Variants in MEMO1 observed in about 807,000 individuals in gnomAD.
MEMO1 encodes protein MEMO1.
Under a neutral mutation model 45.2 loss-of-function variants are expected in MEMO1, and 6 were observed. The observed-to-expected ratio is 0.13, with a 90% CI of 0.07 to 0.26. MEMO1 has a LOEUF of 0.26. Among genes scored for constraint, MEMO1 ranks in the 10% least tolerant of loss-of-function variants. The pLI is 1.00. For missense variants in MEMO1, 184 were observed against 370.5 expected, an observed-to-expected ratio of 0.50 and a Z score of 4.13; for synonymous variants, 78 against 124.3, an observed-to-expected ratio of 0.63 and a Z score of 2.48.
chr2:31,951,311 A>T (rs1360448755), intron 2 of MEMO1, among the ~76,000 whole-genome samples: 1 of 152,222 alleles, frequency 6.6e-6, no homozygotes, highest in Non-Finnish European at 1.5e-5. Flanking sequence ...TTCAGAAATG[A>T]AAAAGTGTGG....
chr2:31,997,613 A>G (rs995991706), intron 2 of MEMO1, among the ~76,000 whole-genome samples: 2 of 152,206 alleles, frequency 1.3e-5, no homozygotes, highest in Non-Finnish European at 2.9e-5. Context: ...TATCTGAAAA[A>G]GTCCTAAAGC....
intron 2 of MEMO1, among the ~76,000 whole-genome samples, chr2:31,946,840 C>CA (rs539454090): frequency 1.2e-3 from 180 of 151,316 alleles, no homozygotes; most frequent in African/African-American, 4.0e-3. Flanking sequence ...GACTCCATTG[C>CA]AAAAAAAAGA....
intron 2 of MEMO1, among the ~76,000 whole-genome samples, chr2:31,973,448 T>C (rs77458495): frequency 1.3e-5 from 2 of 151,746 alleles, no homozygotes; most frequent in African/African-American, 2.4e-5. Flanking sequence ...AGCAAGACTC[T>C]GTCTCGGGAA....
intron 8 of MEMO1, among the ~76,000 whole-genome samples, chr2:31,877,758 A>G (rs1428754476): frequency 6.6e-6 from 1 of 152,144 alleles, no homozygotes; most frequent in Non-Finnish European, 1.5e-5. Context: ...ACTTCATTGT[A>G]CCTTCTAATT....
chr2:31,934,638 G>A (rs1297488188), intron 3 of MEMO1, among the ~76,000 whole-genome samples: 1 of 152,106 alleles, frequency 6.6e-6, no homozygotes, highest in African/African-American at 2.4e-5. Context: ...TACAAGACAG[G>A]CCTGAGTAGA....
intron 6 of MEMO1, among the ~76,000 whole-genome samples, chr2:31,898,448 T>C (rs762469292): frequency 1.3e-5 from 2 of 152,216 alleles, no homozygotes; most frequent in African/African-American, 2.4e-5. Context: ...AGAACTTCTT[T>C]ATTTCTGCCT....
chr2:31,958,795 G>A (rs1365650924), intron 2 of MEMO1, among the ~76,000 whole-genome samples: 4 of 152,164 alleles, frequency 2.6e-5, no homozygotes, highest in Non-Finnish European at 5.9e-5. Flanking sequence ...GGGACCACAG[G>A]TATGCGACAC....
At chr2:31,951,453 T>C (rs927386553) in intron 2 of MEMO1, among the ~76,000 whole-genome samples, 9 of 151,648 alleles carry the variant, frequency 5.9e-5, no homozygotes, top group Non-Finnish European at 8.8e-5. Flanking sequence ...TGGGAACCAC[T>C]GCTTCTCACT....
intron 2 of MEMO1, among the ~76,000 whole-genome samples, chr2:31,959,677 T>C (rs991141016): frequency 6.6e-6 from 1 of 152,054 alleles, no homozygotes; most frequent in Non-Finnish European, 1.5e-5. Flanking sequence ...ATGAAGGTAG[T>C]TAAACTTCCT....
At chr2:31,917,470 T>C (rs1681633162) in intron 6 of MEMO1, among the ~76,000 whole-genome samples, 1 of 152,154 alleles carries the variant, frequency 6.6e-6, no homozygotes, top group African/African-American at 2.4e-5. Flanking sequence ...CTTTAGCAGG[T>C]ACCACGTAAC....
chr2:31,939,264 T>G (rs1384892210), intron 3 of MEMO1, among the ~76,000 whole-genome samples: 2 of 152,212 alleles, frequency 1.3e-5, no homozygotes, highest in Admixed American at 6.5e-5. Flanking sequence ...ATGTTTATAT[T>G]TATGTTTTTA....
At chr2:31,990,298 A>G (rs1671785306) in intron 2 of MEMO1, among the ~76,000 whole-genome samples, 1 of 152,038 alleles carries the variant, frequency 6.6e-6, no homozygotes, top group African/African-American at 2.4e-5. Context: ...AACAAATGCC[A>G]CTCTTCTCAT....
chr2:31,984,112 G>C (rs1277470767), intron 2 of MEMO1, among the ~76,000 whole-genome samples: 1 of 152,202 alleles, frequency 6.6e-6, no homozygotes, highest in African/African-American at 2.4e-5. Flanking sequence ...TCCAAAGTGT[G>C]GGTTGGACTT....
At chr2:31,896,582 A>G (rs749500201) in intron 6 of MEMO1, among the ~76,000 whole-genome samples, 2 of 152,240 alleles carry the variant, frequency 1.3e-5, no homozygotes, top group Non-Finnish European at 2.9e-5. Flanking sequence ...AACGAAACAA[A>G]GGAAAAAATT....
intron 2 of MEMO1, among the ~76,000 whole-genome samples, chr2:31,998,865 A>G (rs1672924754): frequency 1.3e-5 from 2 of 152,146 alleles, no homozygotes. Context: ...TCCAGTCTAG[A>G]CCACTTCCCT....
At chr2:31,881,331 A>C (rs1293699953) in intron 8 of MEMO1, among the ~76,000 whole-genome samples, 4 of 151,500 alleles carry the variant, frequency 2.6e-5, no homozygotes, top group Non-Finnish European at 5.9e-5. Context: ...CTCTACAAAA[A>C]ACTACAAAAA....
intron 2 of MEMO1, among the ~76,000 whole-genome samples, chr2:31,954,845 A>G (rs1299163988): frequency 6.6e-6 from 1 of 152,056 alleles, no homozygotes; most frequent in Admixed American, 6.6e-5. Flanking sequence ...GAAAAAAAAA[A>G]AAAAGAAAGA....
chr2:31,870,638 G>A lies in MEMO1; in HGVS notation c.658-686C>T, dbSNP rs111983311. Among the ~76,000 whole-genome samples, 686 of 152,204 alleles carry A rather than the reference G, an allele frequency of 4.5e-3. 12 individuals are homozygous for A. The highest frequency in any genetic ancestry group is 0.015 in the African/African-American group (636 of 41,536). ...ATCACCCAGGCTGGAGTGCAGTGGT[G>A]CGATCTCAGCTCACTGCAACCCCTG... On this transcript the variant is annotated intron_variant, in intron 8 of 9. Transcript: ENST00000404530.
chr2:31,921,821 A>C (rs1682352414), intron 4 of MEMO1, among the ~76,000 whole-genome samples: 1 of 152,282 alleles, frequency 6.6e-6, no homozygotes, highest in Middle Eastern at 3.4e-3. Flanking sequence ...ATTCAAGTAG[A>C]AGTCATTCTC....
Sources: allele counts gnomAD v4.1 joint callset (sites outside exome capture counted in the v4.1 genomes callset), GRCh38; gene constraint gnomAD v4.1.1; transcripts MANE v1.5; gene names NCBI Gene and HGNC (gene_info 2026-07-23, HGNC 2026-07-21).